The following NPM2 variants were observed in gnomAD, a reference collection of about 807,000 sequenced individuals.
NPM2 encodes nucleophosmin/nucleoplasmin 2.
A neutral mutation model predicts 32.0 loss-of-function variants in NPM2; 25 were observed. That is an observed-to-expected ratio of 0.78 (90% CI 0.57 to 1.09). The LOEUF (loss-of-function observed/expected upper bound fraction) is 1.09. Among genes scored for constraint, NPM2 ranks in the 50% least tolerant of loss-of-function variants. The probability of loss-of-function intolerance (pLI) is 0.00; values close to 1 mark genes in which losing one functional copy is unlikely to be tolerated. For synonymous variants in NPM2, 111 were observed against 94.2 expected (o/e 1.18, Z -1.04); for missense variants, 282 against 259.9 (o/e 1.08, Z -0.58).
chr8:22,036,417 G>C lies in NPM2; in HGVS notation c.567-76G>C. Reference sequence around the variant, plus strand: ...TGCTTTCCAGGGTGGGCACTGGGAGGGCCACGCCGCTGGTCTGGAGCTGAG... The same window carrying C: ...TGCTTTCCAGGGTGGGCACTGGGAGCGCCACGCCGCTGGTCTGGAGCTGAG... On this transcript the variant is annotated intron_variant, in intron 8 of 9. Coordinates refer to ENST00000518119, the MANE Select transcript of NPM2 (RefSeq NM_001286680.2). 3 of 1,473,362 alleles carry C rather than the reference G, an allele frequency of 2.0e-6. No individual in the cohort carries two copies. In the South Asian group the frequency reaches 3.7e-5, roughly 18 times the overall value. The allele number at this position is 1,473,362 out of a possible 1,614,324, so 91.3% of individuals were successfully genotyped here.
intron 5 of NPM2, among the ~76,000 whole-genome samples, chr8:22,028,024 T>A (rs943679049): frequency 6.6e-6 from 1 of 152,188 alleles, no homozygotes; most frequent in African/African-American, 2.4e-5. Context: ...CTGGTACAGG[T>A]GACAGTTGCC....
At chr8:22,029,445 G>A (rs1309614068) in intron 5 of NPM2, among the ~76,000 whole-genome samples, 1 of 152,090 alleles carries the variant, frequency 6.6e-6, no homozygotes, top group Non-Finnish European at 1.5e-5. Context: ...CACCTGGCCT[G>A]ATTCTCATCT....
At chr8:22,027,721 C>A (rs1718093392) in intron 5 of NPM2, among the ~76,000 whole-genome samples, 1 of 152,048 alleles carries the variant, frequency 6.6e-6, no homozygotes, top group Non-Finnish European at 1.5e-5. Flanking sequence ...ATTCTCCCAT[C>A]TCAGCCTCCC....
Position 22,036,516 on chromosome 8 carries a change from C to A in NPM2, c.590C>A (p.Pro197His). The change falls in exon 9 of 10, where the codon CCT (proline) becomes CAT (histidine). Residue 197 changes from proline (P) to histidine (H), a missense_variant. Pro to His is a moderately conservative substitution (Grantham distance 77). Coordinates refer to ENST00000518119, the MANE Select transcript of NPM2 (RefSeq NM_001286680.2). Reference sequence around the variant, plus strand: ...AGAGCCAGCGTTAGAGACAAGAGCCCTGTGAAAAAGGTGAGTAGGACCAGA... The same window carrying A: ...AGAGCCAGCGTTAGAGACAAGAGCCATGTGAAAAAGGTGAGTAGGACCAGA... ...EIRASVRDKS[P>H]VKKAKATARA... 1.2e-6 allele frequency: 2 copies of A among 1,602,834 alleles called. No individual in the cohort carries two copies. The highest frequency in any genetic ancestry group is 2.3e-5 in the East Asian group (1 of 44,120).
At chr8:22,033,346 C>G in intron 6 of NPM2, 123 bp downstream of exon 6, 4 of 790,948 alleles carry the variant, frequency 5.1e-6, no homozygotes, top group Non-Finnish European at 4.3e-6. Context: ...CCAAAGGCAA[C>G]ATGACAGCCA....
At chr8:22,035,444 T>C (rs1800588491) in intron 8 of NPM2, among the ~76,000 whole-genome samples, 1 of 152,100 alleles carries the variant, frequency 6.6e-6, no homozygotes, top group Non-Finnish European at 1.5e-5. Flanking sequence ...TGGCTAACTT[T>C]TAAGTTTTGT....
At chr8:22,031,393 C>G (rs1012742188) in intron 5 of NPM2, among the ~76,000 whole-genome samples, 1 of 152,220 alleles carries the variant, frequency 6.6e-6, no homozygotes, top group Non-Finnish European at 1.5e-5. Flanking sequence ...AGCTACAACT[C>G]TCCTCCTTGC....
chr8:22,027,618 T>TC (rs1162545621), intron 5 of NPM2, among the ~76,000 whole-genome samples: 11 of 151,208 alleles, frequency 7.3e-5, no homozygotes, highest in East Asian at 1.9e-4. Context: ...TTTTTTTTTT[T>TC]CCCCTGAGAT....
At position 22,034,246 on chromosome 8, in the gene NPM2, G is replaced by GT; in HGVS notation, c.503dup (p.Pro169AlafsTer9). Reference sequence around the variant, plus strand: ...CCCTGTCAAACAAGTCAAAAGGCTGGTGCCCCAGAAGCAGGCGAGCGTGGC... The same window carrying GT: ...CCCTGTCAAACAAGTCAAAAGGCTGGTTGCCCCAGAAGCAGGCGAGCGTGGC... On this transcript the variant is annotated frameshift_variant, in exon 7 of 10. Transcript: ENST00000518119. LOFTEE classifies it high-confidence loss of function. The GT allele has an allele frequency of 6.2e-7, 1 of 1,604,164 alleles. No homozygotes were observed. The highest frequency in any genetic ancestry group is 8.5e-7 in the Non-Finnish European group (1 of 1,175,308).
intron 5 of NPM2, among the ~76,000 whole-genome samples, chr8:22,029,791 A>G (rs562630220): frequency 1.3e-3 from 203 of 152,296 alleles, no homozygotes; most frequent in African/African-American, 4.7e-3. Context: ...AAGCTGTTCT[A>G]TTCTGGTTCC....
chr8:22,034,481 C>T (rs770542504), intron 7 of NPM2, 29 bp from the exon 8 acceptor site: 4 of 1,601,612 alleles, frequency 2.5e-6, no homozygotes, highest in Non-Finnish European at 3.4e-6. Context: ...TGTCTGAACT[C>T]TCATAATACA....
At chr8:22,025,395 A>G (rs1800206607) in intron 3 of NPM2, 41 bp from the exon 4 acceptor site, 2 of 1,606,888 alleles carry the variant, frequency 1.2e-6, no homozygotes, top group East Asian at 4.5e-5. Flanking sequence ...TCCTTTGGGA[A>G]CGAATGGAGG....
intron 5 of NPM2, among the ~76,000 whole-genome samples, chr8:22,029,103 C>T (rs540129146): frequency 2.8e-4 from 43 of 152,078 alleles, no homozygotes; most frequent in African/African-American, 9.9e-4. Context: ...GTTTTATGTC[C>T]TCCCAGACAA....
intron 8 of NPM2, 180 bp from the exon 9 acceptor site, chr8:22,036,313 C>T: frequency 1.7e-6 from 1 of 578,786 alleles, no homozygotes; most frequent in Non-Finnish European, 3.1e-6. Flanking sequence ...AAGGAAAACA[C>T]ATATGCGTAT....
chr8:22,029,173 C>CT (rs1461987301), intron 5 of NPM2, among the ~76,000 whole-genome samples: 3 of 152,094 alleles, frequency 2.0e-5, no homozygotes, highest in Non-Finnish European at 2.9e-5. Context: ...TGGAGTCTCA[C>CT]TTTGTTTCCC....
Position 22,025,088 on chromosome 8 carries a change from G to A in NPM2, c.-33-128G>A, listed in dbSNP as rs1311299294. On this transcript the variant is annotated intron_variant, in intron 2 of 9. Transcript: ENST00000518119. The stretch of plus-strand genomic sequence containing the variant: ...CTCCAGGAGTTGCCGGTGAGCCCTT[G>A]ACCGTGGCAGGTCCCCTCCAGCCGC... 1.3e-5 allele frequency: 9 copies of A among 710,076 alleles called. No homozygotes were observed. In the East Asian group the frequency reaches 1.7e-4, roughly 14 times the overall value. 44.0% of individuals were successfully genotyped at this position (710,076 alleles called of 1,614,324 possible).
chr8:22,034,098 T>A lies in NPM2; in HGVS notation c.365-11T>A. ...AGCTGTGCCCCTGCATCCTTTCCCA[T>A]GCTATTACAGAAGCATCAGACCTAA... On this transcript the variant is annotated splice_polypyrimidine_tract_variant and intron_variant, in intron 6 of 9. Coordinates refer to ENST00000518119, the MANE Select transcript of NPM2 (RefSeq NM_001286680.2). The A allele has an allele frequency of 2.5e-6, 4 of 1,574,950 alleles. No homozygotes were observed. Among genetic ancestry groups the A allele is most frequent in the Non-Finnish European group, 2.6e-6 (3 of 1,162,704 alleles).
At chr8:22,031,868 C>A (rs1473561198) in intron 5 of NPM2, among the ~76,000 whole-genome samples, 1 of 152,148 alleles carries the variant, frequency 6.6e-6, no homozygotes, top group Non-Finnish European at 1.5e-5. Flanking sequence ...TTTCATTCAT[C>A]ACTAATCAGA....
Position 22,036,788 on chromosome 8 carries a change from G to A in NPM2, c.*106G>A, listed in dbSNP as rs939983103. On this transcript the variant is annotated 3_prime_UTR_variant, in exon 10 of 10. Transcript: ENST00000518119. ...CCTCCACCTGTGTCTGAATGCAACA[G>A]GGGTGTTGCGGGGGCAACATGAGAG... 1.8e-6 allele frequency: 2 copies of A among 1,136,344 alleles called. No individual in the cohort carries two copies. The highest frequency in any genetic ancestry group is 1.6e-5 in the African/African-American group (1 of 62,728). The allele number at this position is 1,136,344 out of a possible 1,614,324, so 70.4% of individuals were successfully genotyped here.
Sources: allele counts gnomAD v4.1 joint callset (sites outside exome capture counted in the v4.1 genomes callset), GRCh38; gene constraint gnomAD v4.1.1; transcripts MANE v1.5; gene names NCBI Gene and HGNC (gene_info 2026-07-23, HGNC 2026-07-21).